Variants in ZDHHC13 observed in about 807,000 individuals in gnomAD.
ZDHHC13 encodes the protein zDHHC palmitoyltransferase 13.
In ZDHHC13, 85 loss-of-function variants were observed where a neutral mutation model predicts 86.0. The observed-to-expected ratio is 0.99, with a 90% CI of 0.83 to 1.18. The LOEUF (loss-of-function observed/expected upper bound fraction) is 1.18. Among genes scored for constraint, ZDHHC13 ranks in the 50% most tolerant of loss-of-function variants. The pLI is 0.00. For synonymous variants in ZDHHC13, 263 were observed against 246.4 expected, an observed-to-expected ratio of 1.07 and a Z score of -0.63; for missense variants, 711 against 730.2, an observed-to-expected ratio of 0.97 and a Z score of 0.30.
At position 19,149,251 on chromosome 11, in the gene ZDHHC13, G is replaced by A; in HGVS notation, c.439G>A (p.Gly147Arg). The change falls in exon 5 of 17, where the codon GGA becomes AGA. Residue 147 changes from glycine (G) to arginine (R), a missense_variant. Coordinates refer to ENST00000446113, the MANE Select transcript of ZDHHC13 (RefSeq NM_019028.3). ...QHGADPTLID[G>R]EGFSSIHLAV... ...TGGTGCAGACCCCACTCTTATTGAT[G>A]GAGAGGGATTCAGCAGCATCCACCT... 1 of 1,606,342 alleles carries A rather than the reference G, an allele frequency of 6.2e-7. No homozygotes were observed. Among genetic ancestry groups the A allele is most frequent in the Non-Finnish European group, 8.5e-7 (1 of 1,175,632 alleles).
chr11:19,171,734 A>G (rs1429288518), intron 15 of ZDHHC13, among the ~76,000 whole-genome samples: 3 of 152,220 alleles, frequency 2.0e-5, no homozygotes, highest in African/African-American at 7.2e-5. Context: ...ATATGAGATG[A>G]TAATATCCTT....
At chr11:19,118,323 G>T (rs965722319) in intron 1 of ZDHHC13, among the ~76,000 whole-genome samples, 1 of 152,176 alleles carries the variant, frequency 6.6e-6, no homozygotes, top group African/African-American at 2.4e-5. Flanking sequence ...CTTTCAGCAC[G>T]ATCTTGTGTA....
intron 1 of ZDHHC13, among the ~76,000 whole-genome samples, chr11:19,118,190 T>C (rs183403130): frequency 6.6e-6 from 1 of 152,318 alleles, no homozygotes; most frequent in East Asian, 1.9e-4. Flanking sequence ...GAACGAACAC[T>C]AAAGCTGTCT....
chr11:19,169,213 G>T, intron 14 of ZDHHC13: 1 of 985,390 alleles, frequency 1.0e-6, no homozygotes, highest in Non-Finnish European at 1.2e-6. Context: ...ATCAACAGCT[G>T]TTTTCTCCAC....
At chr11:19,144,212 G>A (rs896228510) in intron 2 of ZDHHC13, among the ~76,000 whole-genome samples, 4 of 152,188 alleles carry the variant, frequency 2.6e-5, no homozygotes, top group East Asian at 1.9e-4. Flanking sequence ...TATTCTTAAG[G>A]TAAATATTTG....
intron 14 of ZDHHC13, chr11:19,170,036 C>T: frequency 9.7e-7 from 1 of 1,026,228 alleles, no homozygotes; most frequent in Non-Finnish European, 1.2e-6. Context: ...AGTTTATATT[C>T]AGTCCTGTAA....
chr11:19,163,591 T>C (rs1305705302), intron 11 of ZDHHC13, among the ~76,000 whole-genome samples, 164 bp downstream of exon 11: 1 of 152,216 alleles, frequency 6.6e-6, no homozygotes, highest in Non-Finnish European at 1.5e-5. Context: ...CATTTATGTA[T>C]ATGAAAGTTT....
Position 19,170,396 on chromosome 11 carries a change from T to TTTG in ZDHHC13, c.1475-14_1475-13insTGT. On this transcript the variant is annotated splice_polypyrimidine_tract_variant and intron_variant, in intron 14 of 16. Coordinates refer to ENST00000446113, the MANE Select transcript of ZDHHC13 (RefSeq NM_019028.3). ...TTGCCTTTTTTTTTTTTTTTTTTTT[T>TTTG]TGGTGAATTCACAGATTTGTCCAGT... 6.7e-7 allele frequency: 1 copy of TTTG among 1,491,386 alleles called. No individual in the cohort carries two copies. The highest frequency in any genetic ancestry group is 1.3e-5 in the South Asian group (1 of 75,894). The allele number at this position is 1,491,386 out of a possible 1,614,324, so 92.4% of individuals were successfully genotyped here.
intron 16 of ZDHHC13, among the ~76,000 whole-genome samples, chr11:19,175,416 A>AAAAAAAAAC (rs1565046645): frequency 7.3e-5 from 10 of 136,302 alleles, no homozygotes; most frequent in African/African-American, 2.7e-4. Context: ...AAAAAAAAAA[A>AAAAAAAAAC]AGGTTTAGGG....
Position 19,163,365 on chromosome 11 carries a change from T to C in ZDHHC13, c.1171T>C (p.Phe391Leu). The C allele has an allele frequency of 6.2e-7, 1 of 1,608,960 alleles. No individual in the cohort carries two copies. The highest frequency in any genetic ancestry group is 8.5e-7 in the Non-Finnish European group (1 of 1,177,756). ...CAGCATAGTAGCCTTTCTATACTTT[T>C]TCTATAAGACTTGGGCAACTGATCC... ...IFSIVAFLYF[F>L]YKTWATDPGF... The change falls in exon 11 of 17, where the codon TTC becomes CTC. Residue 391 changes from phenylalanine to leucine, a missense_variant. Phe to Leu is a conservative substitution (Grantham distance 22). Coordinates refer to ENST00000446113, the MANE Select transcript of ZDHHC13 (RefSeq NM_019028.3).
Position 19,143,051 on chromosome 11 carries a change from A to G in ZDHHC13, c.101A>G (p.Glu34Gly). ...GGCATCTGTGCACATGAAAACAAAG[A>G]ACTTGCCAATGCAAGAGAAGCTCTT... Reference protein sequence around the residue: ...RYGICAHENKELANAREALPL... With the variant: ...RYGICAHENKGLANAREALPL... The change falls in exon 2 of 17, where the codon GAA (glutamate) becomes GGA (glycine). Residue 34 changes from glutamate (E) to glycine (G), a missense_variant. By Grantham distance (98) the Glu-to-Gly change is moderately conservative. Coordinates refer to ENST00000446113, the MANE Select transcript of ZDHHC13 (RefSeq NM_019028.3). 6.2e-7 allele frequency: 1 copy of G among 1,613,210 alleles called. No homozygotes were observed. The highest frequency in any genetic ancestry group is 8.5e-7 in the Non-Finnish European group (1 of 1,179,590).
At position 19,166,234 on chromosome 11, in the gene ZDHHC13, A is replaced by G. The variant is rs75511259; in HGVS notation, c.1391-68A>G. ...AAGACTTTTGACAGGAAAGTGGTTA[A>G]GGAGGTCTTATGTTGAAAATCAGAA... On this transcript the variant is annotated intron_variant, in intron 13 of 16. Coordinates refer to ENST00000446113, the MANE Select transcript of ZDHHC13 (RefSeq NM_019028.3). The G allele has an allele frequency of 2.0e-3, 2,474 of 1,268,464 alleles. 34 individuals carry two copies. The African/African-American group carries it at 0.032, about 16-fold the overall frequency. The allele number at this position is 1,268,464 out of a possible 1,614,324, so 78.6% of individuals were successfully genotyped here.
chr11:19,169,773 A>G (rs1407030194), intron 14 of ZDHHC13: 1 of 985,314 alleles, frequency 1.0e-6, no homozygotes, highest in Non-Finnish European at 1.2e-6. Flanking sequence ...AAGTTCTTTA[A>G]TTGGCACACC....
intron 16 of ZDHHC13, among the ~76,000 whole-genome samples, chr11:19,173,122 T>C (rs966144331): frequency 6.6e-6 from 1 of 152,238 alleles, no homozygotes; most frequent in African/African-American, 2.4e-5. Flanking sequence ...TGTTTGTTGC[T>C]GGCGTGGAGT....
At chr11:19,138,016 G>C (rs1422785313) in intron 1 of ZDHHC13, among the ~76,000 whole-genome samples, 68 of 150,562 alleles carry the variant, frequency 4.5e-4, no homozygotes, top group Non-Finnish European at 8.0e-4. Flanking sequence ...AAAAGCAAGA[G>C]CAAACACATT....
chr11:19,129,156 A>T (rs572354704), intron 1 of ZDHHC13, among the ~76,000 whole-genome samples: 2 of 152,348 alleles, frequency 1.3e-5, no homozygotes, highest in East Asian at 3.9e-4. Context: ...ACATTTTTTT[A>T]AAGATTCCTT....
intron 10 of ZDHHC13, among the ~76,000 whole-genome samples, chr11:19,161,778 G>A (rs1328258512): frequency 6.6e-6 from 1 of 152,138 alleles, no homozygotes. Context: ...TTATACAAGT[G>A]CATGTTATGG....
intron 13 of ZDHHC13, 104 bp from the exon 14 acceptor site, chr11:19,166,198 T>A (rs1850060177): frequency 3.5e-6 from 3 of 867,120 alleles, no homozygotes; most frequent in Non-Finnish European, 5.3e-6. Flanking sequence ...TATTTCTGTT[T>A]TACTTTGGTG....
At position 19,170,461 on chromosome 11, in the gene ZDHHC13, TACCTC is replaced by T. The variant is rs1211563009; in HGVS notation, c.1527_1531del (p.Tyr509Ter). On this transcript the variant is annotated frameshift_variant, in exon 15 of 17. Transcript: ENST00000446113. LOFTEE classifies it high-confidence loss of function. Reference sequence around the variant, plus strand: ...ATTCAAAGAAGATGGATTATGGACTTACCTCAATCAGATTGTGGCCTGTTCCCCTT... The same window carrying T: ...ATTCAAAGAAGATGGATTATGGACTTAATCAGATTGTGGCCTGTTCCCCTT... 3 of 1,543,188 alleles carry T rather than the reference TACCTC, an allele frequency of 1.9e-6. No homozygotes were observed. The highest frequency in any genetic ancestry group is 2.6e-6 in the Non-Finnish European group (3 of 1,144,356).
Sources: allele counts gnomAD v4.1 joint callset (sites outside exome capture counted in the v4.1 genomes callset), GRCh38; gene constraint gnomAD v4.1.1; transcripts MANE v1.5; gene names NCBI Gene and HGNC (gene_info 2026-07-23, HGNC 2026-07-21).